NEBL: variants seen among roughly 807,000 people sequenced by gnomAD.
The protein encoded by NEBL is nebulette, also known as LIM and SH3 protein 2.
NEBL carries 122 observed loss-of-function variants against 140.2 expected under a neutral mutation model. The ratio of observed to expected loss-of-function variants is 0.87; its 90% CI spans 0.75 to 1.01. NEBL has a LOEUF of 1.01. Ranked by LOEUF, NEBL falls within the 50% of genes least tolerant of loss-of-function variation. The probability of loss-of-function intolerance (pLI) is 0.00; values close to 1 mark genes in which losing one functional copy is unlikely to be tolerated. For missense variants in NEBL, 1,365 were observed against 1,231.3 expected (o/e 1.11, Z -1.62); for synonymous variants, 436 against 398.9 (o/e 1.09, Z -1.11).
intron 3 of NEBL, among the ~76,000 whole-genome samples, chr10:20,964,673 T>C (rs1047348396): frequency 3.3e-5 from 5 of 152,048 alleles, no homozygotes; most frequent in South Asian, 4.2e-4. Context: ...GGGACAAACA[T>C]CCAAACCATA....
intron 2 of NEBL, chr10:21,112,909 A>G: frequency 2.6e-6 from 1 of 381,252 alleles, no homozygotes; most frequent in Non-Finnish European, 5.1e-6. Flanking sequence ...GCAGAGTCAG[A>G]AGACGAAGAG....
At chr10:20,940,663 G>C (rs993249321) in intron 4 of NEBL, among the ~76,000 whole-genome samples, 2 of 141,214 alleles carry the variant, frequency 1.4e-5, no homozygotes, top group African/African-American at 5.3e-5. Flanking sequence ...TTTTTGAAAA[G>C]ATCAACAAAA....
chr10:21,228,008 A>C (rs1482870656), intron 3 of NEBL, among the ~76,000 whole-genome samples: 1 of 152,038 alleles, frequency 6.6e-6, no homozygotes, highest in African/African-American at 2.4e-5. Context: ...TGATTTTGAG[A>C]ACCAGAATTA....
In NEBL at chr10:20,914,115, T is replaced by C. The variant is rs995762893; in HGVS notation, c.357+47557A>G. On this transcript the variant is annotated intron_variant, in intron 4 of 6. Coordinates refer to the NEBL transcript ENST00000417816. The stretch of plus-strand genomic sequence containing the variant: ...TCAGACCAAAAGCAGACACTGCACT[T>C]GAGGAGAGGAAACACACTGGTCATT... 2.6e-5 allele frequency among the ~76,000 whole-genome samples: 4 copies of C among 152,106 alleles called. No homozygotes were observed. In the East Asian group the frequency reaches 7.7e-4, roughly 29 times the overall value.
intron 3 of NEBL, among the ~76,000 whole-genome samples, chr10:21,225,384 C>G (rs1282560401): frequency 6.6e-6 from 1 of 152,128 alleles, no homozygotes; most frequent in African/African-American, 2.4e-5. Flanking sequence ...TAACCACTGC[C>G]TGACTACCGC....
At chr10:20,881,341 G>A (rs1448731315) in intron 4 of NEBL, among the ~76,000 whole-genome samples, 1 of 152,178 alleles carries the variant, frequency 6.6e-6, no homozygotes, top group Non-Finnish European at 1.5e-5. Flanking sequence ...GATAATATAA[G>A]CCTCATTAAG....
chr10:21,097,501 T>C (rs1305338388), intron 2 of NEBL, among the ~76,000 whole-genome samples: 1 of 152,130 alleles, frequency 6.6e-6, no homozygotes, highest in East Asian at 1.9e-4. Flanking sequence ...CAATGGTGTG[T>C]CCTTTCTGTT....
chr10:21,006,190 G>A (rs1468095031), intron 3 of NEBL, among the ~76,000 whole-genome samples: 1 of 152,172 alleles, frequency 6.6e-6, no homozygotes, highest in African/African-American at 2.4e-5. Context: ...TCTTGCAGAT[G>A]ACCTTTCGCT....
intron 2 of NEBL, among the ~76,000 whole-genome samples, chr10:21,161,046 T>G (rs1840539747): frequency 6.6e-6 from 1 of 152,188 alleles, no homozygotes; most frequent in African/African-American, 2.4e-5. Context: ...GTAATCCAGC[T>G]GCAAATTTCA....
At chr10:21,045,875 C>T (rs1421439016) in intron 2 of NEBL, among the ~76,000 whole-genome samples, 1 of 152,090 alleles carries the variant, frequency 6.6e-6, no homozygotes, top group Non-Finnish European at 1.5e-5. Context: ...TACAGTATAT[C>T]CAAAGGAACT....
chr10:21,225,879 C>G (rs1842139943), intron 3 of NEBL, among the ~76,000 whole-genome samples: 1 of 152,128 alleles, frequency 6.6e-6, no homozygotes, highest in South Asian at 2.1e-4. Flanking sequence ...CCCTGCCCCA[C>G]TGTGGTCAGC....
chr10:20,934,449 C>A (rs943194330), intron 4 of NEBL, among the ~76,000 whole-genome samples: 37 of 152,294 alleles, frequency 2.4e-4, no homozygotes, highest in African/African-American at 7.5e-4. Flanking sequence ...ACATTTTGAG[C>A]CTTCCACAGT....
At chr10:21,208,378 A>G (rs554157286) in intron 3 of NEBL, among the ~76,000 whole-genome samples, 179 of 152,314 alleles carry the variant, frequency 1.2e-3, no homozygotes, top group African/African-American at 4.2e-3. Flanking sequence ...ATCTTGTAAC[A>G]GGTTCTAGCA....
At chr10:20,935,178 T>C (rs1044018414) in intron 4 of NEBL, among the ~76,000 whole-genome samples, 1 of 152,172 alleles carries the variant, frequency 6.6e-6, no homozygotes, top group African/African-American at 2.4e-5. Context: ...GTAAGCATTA[T>C]AAAAGTCACC....
intron 9 of NEBL, 62 bp downstream of exon 9, chr10:20,858,178 C>T (rs1218189729): frequency 7.7e-7 from 1 of 1,295,930 alleles, no homozygotes; most frequent in African/African-American, 1.5e-5. Flanking sequence ...ATGAACGCTG[C>T]AGACATATTG....
chr10:20,786,008 A>C (rs545777665), intron 27 of NEBL, 85 bp from the exon 28 acceptor site: 1 of 1,286,166 alleles, frequency 7.8e-7, no homozygotes, highest in Non-Finnish European at 1.1e-6. Context: ...ACCCACACAT[A>C]AAGTAACTAT....
intron 4 of NEBL, among the ~76,000 whole-genome samples, chr10:20,952,927 A>G (rs1835567249): frequency 6.9e-6 from 1 of 145,588 alleles, no homozygotes; most frequent in East Asian, 2.0e-4. Flanking sequence ...AAAAAAAAAG[A>G]AAAAGAAAAA....
intron 3 of NEBL, among the ~76,000 whole-genome samples, chr10:21,228,424 G>A (rs1035836408): frequency 1.8e-4 from 28 of 152,112 alleles, no homozygotes; most frequent in East Asian, 1.9e-4. Context: ...AAAGTGCTAC[G>A]ATTACAGGCA....
At chr10:21,150,202 T>A (rs1178436699) in intron 2 of NEBL, among the ~76,000 whole-genome samples, 3 of 152,174 alleles carry the variant, frequency 2.0e-5, no homozygotes, top group Non-Finnish European at 4.4e-5. Context: ...ACCAAAAATA[T>A]TTTTCTCTAC....
Sources: gnomAD v4.1 joint callset for allele counts (sites outside exome capture counted in the v4.1 genomes callset) on GRCh38, gnomAD v4.1.1 for gene constraint, MANE v1.5 for transcripts, NCBI Gene and HGNC (gene_info 2026-07-23, HGNC 2026-07-21) for gene names.